The following HADH variants were observed in gnomAD, a reference collection of about 807,000 sequenced individuals.
The protein encoded by HADH is hydroxyacyl-coenzyme A dehydrogenase, mitochondrial.
Under a neutral mutation model 32.2 loss-of-function variants are expected in HADH, and 24 were observed. That is an observed-to-expected ratio of 0.75 (90% CI 0.54 to 1.05). HADH has a LOEUF of 1.05. Ranked by LOEUF, HADH falls within the 50% of genes least tolerant of loss-of-function variation. The pLI is 0.00. For missense variants in HADH, 350 were observed against 397.1 expected (o/e 0.88, Z 1.01); for synonymous variants, 139 against 152.5 (o/e 0.91, Z 0.65).
chr4:107,994,446 A>T (rs929826811), intron 1 of HADH, among the ~76,000 whole-genome samples: 5 of 152,116 alleles, frequency 3.3e-5, no homozygotes, highest in African/African-American at 1.2e-4. Context: ...TCTTGCCCCC[A>T]AATCTGCATT....
At chr4:108,004,917 G>C (rs1735244047) in intron 1 of HADH, 1 of 1,534,360 alleles carries the variant, frequency 6.5e-7, no homozygotes, top group Non-Finnish European at 8.7e-7. Flanking sequence ...TTGTTAAAGA[G>C]GTAAGATGAC....
intron 3 of HADH, 92 bp downstream of exon 3, chr4:108,014,680 A>G: frequency 8.5e-7 from 1 of 1,179,264 alleles, no homozygotes; most frequent in Non-Finnish European, 1.2e-6. Flanking sequence ...ATTTGTGAGT[A>G]CAAGTGCAGT....
rs1040619494 is a variant in HADH, at chr4:108,032,794, C to A, written c.710-382C>A. The A allele has an allele frequency of 2.6e-4, 85 of 330,154 alleles. No homozygotes were observed. The Admixed American group carries it at 3.0e-3, about 12-fold the overall frequency. 20.5% of individuals were successfully genotyped at this position (330,154 alleles called of 1,614,324 possible). ...GGTTGGGAGTTTGAGCCCAGACTGG[C>A]CAAATGGTGAAACCCTATCTCTACT... On this transcript the variant is annotated intron_variant, in intron 6 of 7. Transcript: ENST00000309522.
intron 1 of HADH, chr4:108,004,835 A>G: frequency 6.5e-7 from 1 of 1,535,988 alleles, no homozygotes; most frequent in South Asian, 1.2e-5. Context: ...TGGAGGAAGG[A>G]ACATGACCCT....
chr4:108,015,467 T>G (rs1005001212), intron 3 of HADH, among the ~76,000 whole-genome samples: 1 of 152,240 alleles, frequency 6.6e-6, no homozygotes, highest in Non-Finnish European at 1.5e-5. Context: ...TGGACATTCT[T>G]GACAGATTCT....
Position 108,004,435 on chromosome 4 carries a change from A to AT in HADH, c.133-5317dup, listed in dbSNP as rs553012859. ...AAAGGAAGCATTTTCTAACCTCTGCATTTTTTTACCCAAACTGTACAAAGG... is the reference window on the plus strand; with the variant it reads ...AAAGGAAGCATTTTCTAACCTCTGCATTTTTTTTACCCAAACTGTACAAAGG... On this transcript the variant is annotated intron_variant, in intron 1 of 7. Coordinates refer to ENST00000309522, the MANE Select transcript of HADH (RefSeq NM_005327.7). 4.4e-4 allele frequency: 149 copies of AT among 335,288 alleles called. No individual in the cohort carries two copies. In the Admixed American group the frequency reaches 5.8e-3, roughly 13 times the overall value. The allele number at this position is 335,288 out of a possible 1,614,324, so 20.8% of individuals were successfully genotyped here.
rs568208717 is a variant in HADH at position 108,011,134 on chromosome 4, A to G, written c.261+1247A>G. On this transcript the variant is annotated intron_variant, in intron 2 of 7. Transcript: ENST00000309522. Reference sequence around the variant, plus strand: ...AGTGCTGGGATTACAGGTGTGAGCCACCACTCCCGGCCAACTTCATTCCTT... The same window carrying G: ...AGTGCTGGGATTACAGGTGTGAGCCGCCACTCCCGGCCAACTTCATTCCTT... Among the ~76,000 whole-genome samples the G allele has an allele frequency of 7.9e-5, 12 of 152,316 alleles. No homozygotes were observed. The South Asian group carries it at 2.5e-3, about 32-fold the overall frequency.
intron 6 of HADH, chr4:108,032,833 T>A: frequency 2.8e-6 from 1 of 358,290 alleles, no homozygotes; most frequent in South Asian, 2.5e-5. Context: ...AATATAAATA[T>A]TAGCCTTGTG....
Position 108,019,577 on chromosome 4 carries a change from A to G in HADH, c.457A>G (p.Ile153Val). ...TGCCAGCAACACTTCCTCCTTGCAG[A>G]TTACAAGCATAGCTAATGCCACCAC... ...IFASNTSSLQ[I>V]TSIANATTRQ... Residue 153 changes from isoleucine to valine, a missense_variant, in exon 4 of 8, where the codon ATT becomes GTT. Transcript: ENST00000309522. The G allele has an allele frequency of 1.2e-6, 2 of 1,613,886 alleles. No homozygotes were observed. The highest frequency in any genetic ancestry group is 1.7e-6 in the Non-Finnish European group (2 of 1,179,774).
chr4:108,020,703 G>A (rs568784007), intron 4 of HADH, among the ~76,000 whole-genome samples: 9 of 152,230 alleles, frequency 5.9e-5, no homozygotes, highest in African/African-American at 1.4e-4. Flanking sequence ...AGGAGCAGCC[G>A]CTATTAAAGT....
chr4:108,027,323 C>G (rs1736100470), intron 5 of HADH: 1 of 368,022 alleles, frequency 2.7e-6, no homozygotes, highest in Non-Finnish European at 5.2e-6. Flanking sequence ...ACTGTCACCC[C>G]CAGTTCACAG....
At chr4:108,033,058 C>T in intron 6 of HADH, 118 bp from the exon 7 acceptor site, 1 of 773,310 alleles carries the variant, frequency 1.3e-6, no homozygotes, top group South Asian at 1.4e-5. Context: ...AAGTCTCAGT[C>T]TAGGCATTTT....
intron 6 of HADH, chr4:108,027,997 A>T (rs777602433): frequency 3.4e-6 from 2 of 595,570 alleles, no homozygotes; most frequent in Non-Finnish European, 6.0e-6. Flanking sequence ...CACCACCCCC[A>T]CTACAGTCCC....
intron 1 of HADH, chr4:108,004,429 C>G (rs947610541): frequency 9.0e-6 from 3 of 332,004 alleles, no homozygotes; most frequent in African/African-American, 2.1e-5. Flanking sequence ...ATTTTCTAAC[C>G]TCTGCATTTT....
At chr4:108,029,513 CACACACCCCCT>C (rs1736183214) in intron 6 of HADH, 1 of 152,476 alleles carries the variant, frequency 6.6e-6, no homozygotes, top group Non-Finnish European at 1.5e-5. Flanking sequence ...TGCATCTGCC[CACACACCCCCT>C]GCACAGCCTC....
intron 6 of HADH, chr4:108,030,971 T>A (rs1270038350): frequency 6.6e-6 from 1 of 152,226 alleles, no homozygotes; most frequent in Non-Finnish European, 1.5e-5. Context: ...TATCTTCATA[T>A]TATTTCTTGA....
intron 4 of HADH, among the ~76,000 whole-genome samples, chr4:108,022,165 ATATGTGTG>A (rs746946990): frequency 8.2e-6 from 1 of 121,238 alleles, no homozygotes; most frequent in Non-Finnish European, 1.8e-5. Flanking sequence ...TTACATATAT[ATATGTGTG>A]TGTGTGTGTG....
At chr4:108,021,017 TACTA>T (rs1438529829) in intron 4 of HADH, among the ~76,000 whole-genome samples, 6 of 152,216 alleles carry the variant, frequency 3.9e-5, no homozygotes, top group African/African-American at 1.4e-4. Flanking sequence ...TTTTCTGTCT[TACTA>T]ACATTGCTTC....
At chr4:108,010,570 T>C (rs1735449844) in intron 2 of HADH, among the ~76,000 whole-genome samples, 1 of 152,254 alleles carries the variant, frequency 6.6e-6, no homozygotes, top group African/African-American at 2.4e-5. Context: ...TCTCGCTGTA[T>C]GCAGCCAGAG....
Sources: gnomAD v4.1 joint callset for allele counts (sites outside exome capture counted in the v4.1 genomes callset) on GRCh38, gnomAD v4.1.1 for gene constraint, MANE v1.5 for transcripts, NCBI Gene and HGNC (gene_info 2026-07-23, HGNC 2026-07-21) for gene names.